CRADD: variants seen among roughly 807,000 people sequenced by gnomAD.
The protein encoded by CRADD is death domain-containing protein CRADD.
Under a neutral mutation model 15.5 loss-of-function variants are expected in CRADD, and 9 were observed. The ratio of observed to expected loss-of-function variants is 0.58; its 90% confidence interval spans 0.35 to 1.01. CRADD has a LOEUF of 1.01. Ranked by LOEUF, CRADD falls within the 50% of genes least tolerant of loss-of-function variation. CRADD has a pLI of 0.02. For synonymous variants in CRADD, 118 were observed against 107.6 expected, an observed-to-expected ratio of 1.10 and a Z score of -0.60; for missense variants, 227 against 250.3, an observed-to-expected ratio of 0.91 and a Z score of 0.63.
chr12:93,788,467 T>C (rs934639016), intron 2 of CRADD, among the ~76,000 whole-genome samples: 1 of 152,110 alleles, frequency 6.6e-6, no homozygotes, highest in Non-Finnish European at 1.5e-5. Context: ...CTGACCACAG[T>C]GTGTGTGGTC....
intron 2 of CRADD, among the ~76,000 whole-genome samples, chr12:93,866,370 C>G (rs1353939147): frequency 6.6e-6 from 1 of 152,066 alleles, no homozygotes; most frequent in Non-Finnish European, 1.5e-5. Flanking sequence ...TCACTTCCAA[C>G]CTTCTTACTG....
chr12:93,724,378 C>G (rs1165606800), intron 2 of CRADD, among the ~76,000 whole-genome samples: 1 of 131,964 alleles, frequency 7.6e-6, no homozygotes, highest in African/African-American at 2.8e-5. Context: ...GACCCTGTCT[C>G]AAAAAAAAAA....
At chr12:93,709,308 G>C (rs1418031599) in intron 2 of CRADD, among the ~76,000 whole-genome samples, 2 of 152,074 alleles carry the variant, frequency 1.3e-5, no homozygotes, top group East Asian at 3.8e-4. Context: ...GGTTTGTTAG[G>C]TAGGTAAACA....
intron 2 of CRADD, among the ~76,000 whole-genome samples, chr12:93,779,143 G>A (rs1957172066): frequency 6.6e-6 from 1 of 152,166 alleles, no homozygotes; most frequent in East Asian, 1.9e-4. Flanking sequence ...TCATTGATGA[G>A]GACTTTAATT....
chr12:93,851,603 G>A (rs1183885576), downstream of CRADD, among the ~76,000 whole-genome samples: 1 of 152,192 alleles, frequency 6.6e-6, no homozygotes, highest in Non-Finnish European at 1.5e-5. Flanking sequence ...TGAAGGTATG[G>A]TTAGACCACA....
intron 2 of CRADD, among the ~76,000 whole-genome samples, chr12:93,807,353 G>A (rs1957550947): frequency 6.6e-6 from 1 of 152,126 alleles, no homozygotes; most frequent in African/African-American, 2.4e-5. Flanking sequence ...CCCATGTCAG[G>A]TGTGTGGAGG....
intron 2 of CRADD, among the ~76,000 whole-genome samples, chr12:93,766,227 A>G (rs546261137): frequency 6.6e-6 from 1 of 152,138 alleles, no homozygotes; most frequent in Non-Finnish European, 1.5e-5. Context: ...CTTTCTCCCC[A>G]AGCGTTCCTT....
chr12:93,762,416 G>A (rs1469599962), intron 2 of CRADD, among the ~76,000 whole-genome samples: 5 of 152,148 alleles, frequency 3.3e-5, no homozygotes, highest in Non-Finnish European at 7.3e-5. Flanking sequence ...AGATGTAATT[G>A]GAAGCTAACT....
At chr12:93,786,313 G>A (rs1439432906) in intron 2 of CRADD, among the ~76,000 whole-genome samples, 1 of 152,146 alleles carries the variant, frequency 6.6e-6, no homozygotes, top group Non-Finnish European at 1.5e-5. Flanking sequence ...TCTAAGGAAT[G>A]TGTAAACGTA....
intron 2 of CRADD, among the ~76,000 whole-genome samples, chr12:93,829,557 T>C (rs1393224188): frequency 6.6e-6 from 1 of 152,220 alleles, no homozygotes; most frequent in East Asian, 1.9e-4. Flanking sequence ...TTTTTTGAAC[T>C]GGACAGGCCA....
intron 2 of CRADD, among the ~76,000 whole-genome samples, chr12:93,766,984 A>G (rs1157057155): frequency 1.3e-5 from 2 of 152,226 alleles, no homozygotes; most frequent in Non-Finnish European, 2.9e-5. Context: ...TTCAAGAAAC[A>G]GATACTCAAG....
At chr12:93,805,517 C>G (rs1308580442) in intron 2 of CRADD, among the ~76,000 whole-genome samples, 1 of 151,376 alleles carries the variant, frequency 6.6e-6, no homozygotes, top group African/African-American at 2.4e-5. Flanking sequence ...CCTCAACTGC[C>G]CTTTTCTCCT....
intron 2 of CRADD, among the ~76,000 whole-genome samples, chr12:93,843,465 C>T (rs1267841893): frequency 9.3e-5 from 14 of 150,076 alleles, no homozygotes; most frequent in Middle Eastern, 6.9e-3. Context: ...CTGCAACCTC[C>T]GCCTCCCAGA....
At chr12:93,816,706 A>T (rs1411499533) in intron 2 of CRADD, among the ~76,000 whole-genome samples, 4 of 152,132 alleles carry the variant, frequency 2.6e-5, no homozygotes, top group Non-Finnish European at 5.9e-5. Flanking sequence ...AATGGCTTTC[A>T]GCAGTTCTTC....
At chr12:93,692,803 A>T (rs866565822) in intron 2 of CRADD, among the ~76,000 whole-genome samples, 11 of 152,222 alleles carry the variant, frequency 7.2e-5, no homozygotes, top group Non-Finnish European at 1.6e-4. Context: ...ACATAGTCAA[A>T]TTTGGAATCT....
intron 2 of CRADD, among the ~76,000 whole-genome samples, chr12:93,776,594 A>G (rs576419353): frequency 9.3e-4 from 141 of 152,314 alleles, no homozygotes; most frequent in African/African-American, 3.1e-3. Context: ...AGAAACAGAA[A>G]CACAGGTTCA....
At chr12:93,731,921 G>C (rs1956471931) in intron 2 of CRADD, among the ~76,000 whole-genome samples, 1 of 152,186 alleles carries the variant, frequency 6.6e-6, no homozygotes, top group African/African-American at 2.4e-5. Flanking sequence ...CAGATCACCT[G>C]AGGTCGGGAG....
chr12:93,814,599 G>A (rs1032675980), intron 2 of CRADD, among the ~76,000 whole-genome samples: 1 of 152,186 alleles, frequency 6.6e-6, no homozygotes, highest in Non-Finnish European at 1.5e-5. Flanking sequence ...CTGCTGCTGT[G>A]ACGTCCTACA....
intron 2 of CRADD, among the ~76,000 whole-genome samples, chr12:93,702,035 T>G (rs558949680): frequency 6.8e-4 from 103 of 152,198 alleles, no homozygotes; most frequent in Admixed American, 2.7e-3. Flanking sequence ...CCGGTAAACT[T>G]ATCTAACGCT....
Sources: gnomAD v4.1 joint callset for allele counts (sites outside exome capture counted in the v4.1 genomes callset) on GRCh38, gnomAD v4.1.1 for gene constraint, MANE v1.5 for transcripts, NCBI Gene and HGNC (gene_info 2026-07-23, HGNC 2026-07-21) for gene names.